The following PRELID2 variants were observed in gnomAD, a reference collection of about 807,000 sequenced individuals.
PRELID2 encodes the protein PRELI domain containing 2, also known as PRELI domain-containing protein 2.
A neutral mutation model predicts 28.4 loss-of-function variants in PRELID2; 25 were observed. That is an observed-to-expected ratio of 0.88 (90% CI 0.64 to 1.23). The LOEUF (loss-of-function observed/expected upper bound fraction) is 1.23. Among genes scored for constraint, PRELID2 ranks in the 50% most tolerant of loss-of-function variants. PRELID2 has a pLI of 0.00. For missense variants in PRELID2, 201 were observed against 214.4 expected, an observed-to-expected ratio of 0.94 and a Z score of 0.39; for synonymous variants, 76 against 71.6, an observed-to-expected ratio of 1.06 and a Z score of -0.31.
intron 5 of PRELID2, among the ~76,000 whole-genome samples, chr5:145,788,897 A>T (rs1384332885): frequency 1.3e-5 from 2 of 152,176 alleles, no homozygotes; most frequent in African/African-American, 2.4e-5. Context: ...TTAAGAAATC[A>T]ATCTCATTTA....
At chr5:145,336,412 A>T in the PRELID2 span, among the ~76,000 whole-genome samples, 8 of 151,470 alleles carry the variant, frequency 5.3e-5, no homozygotes, top group African/African-American at 1.7e-4. Flanking sequence ...TTTAGGTCTA[A>T]CGTTTAAGTC....
chr5:145,452,263 C>T, the PRELID2 span, among the ~76,000 whole-genome samples: 4 of 152,178 alleles, frequency 2.6e-5, no homozygotes, highest in African/African-American at 9.6e-5. Context: ...AGTCCATGCT[C>T]ATTAGCATAG....
At chr5:145,381,414 G>A in the PRELID2 span, among the ~76,000 whole-genome samples, 1 of 152,096 alleles carries the variant, frequency 6.6e-6, no homozygotes, top group Non-Finnish European at 1.5e-5. Context: ...GCAGTTTTTT[G>A]TTATTACTTT....
intron 1 of PRELID2, among the ~76,000 whole-genome samples, chr5:145,498,931 C>A (rs189926987): frequency 6.6e-6 from 1 of 151,968 alleles, no homozygotes; most frequent in Non-Finnish European, 1.5e-5. Flanking sequence ...TACACCATTA[C>A]TGAAAACATG....
rs118978 is a variant in PRELID2, at chr5:145,475,875, C to A, written n.71-2560G>T. Among the ~76,000 whole-genome samples, 947 of 151,910 alleles carry A rather than the reference C, an allele frequency of 6.2e-3. 5 individuals carry two copies. The highest frequency in any genetic ancestry group is 8.4e-3 in the African/African-American group (350 of 41,422). On this transcript the variant is annotated intron_variant and non_coding_transcript_variant, in intron 1 of 2. Coordinates refer to the PRELID2 transcript ENST00000510259. The stretch of plus-strand genomic sequence containing the variant: ...GAATAATATTTATAAAATATTTTCC[C>A]ATGTGAAATGTTTATAATCATTAAA...
chr5:145,312,587 C>G, the PRELID2 span, among the ~76,000 whole-genome samples: 1 of 152,174 alleles, frequency 6.6e-6, no homozygotes, highest in Admixed American at 6.5e-5. Context: ...TAAGATTCCA[C>G]ATATAAGTGA....
the PRELID2 span, among the ~76,000 whole-genome samples, chr5:145,373,334 A>ATATATTACAACATATATAATATACGT: frequency 2.1e-4 from 16 of 76,288 alleles, 2 homozygotes; most frequent in African/African-American, 4.4e-4. Flanking sequence ...ATAATATACG[A>ATATATTACAACATATATAATATACGT]TATATATTAC....
chr5:145,503,312 C>T (rs145737224), intron 1 of PRELID2, among the ~76,000 whole-genome samples: 33 of 152,266 alleles, frequency 2.2e-4, no homozygotes, highest in African/African-American at 7.5e-4. Context: ...CTCCACACCT[C>T]ATCCACTTAA....
At chr5:145,740,745 ATAT>A (rs1335508332) in intron 1 of PRELID2, among the ~76,000 whole-genome samples, 7 of 109,632 alleles carry the variant, frequency 6.4e-5, no homozygotes, top group African/African-American at 2.8e-4. Context: ...ATATATAAAT[ATAT>A]TATATATTTA....
chr5:145,666,270 G>A (rs1416097690), intron 1 of PRELID2, among the ~76,000 whole-genome samples: 1 of 151,978 alleles, frequency 6.6e-6, no homozygotes, highest in Non-Finnish European at 1.5e-5. Context: ...GTCTGTCTTG[G>A]ATTATTTGCC....
chr5:145,587,610 A>C (rs1753171584), intron 1 of PRELID2, among the ~76,000 whole-genome samples: 1 of 152,270 alleles, frequency 6.6e-6, no homozygotes. Context: ...TGGCTTTTCT[A>C]TCGCACTTTG....
At chr5:145,243,429 T>TA in the PRELID2 span, among the ~76,000 whole-genome samples, 34 of 151,256 alleles carry the variant, frequency 2.2e-4, no homozygotes, top group South Asian at 3.8e-3. Context: ...CTTTTCATAT[T>TA]AAAAAAAAAG....
At chr5:145,658,567 G>T (rs1754434498) in intron 1 of PRELID2, among the ~76,000 whole-genome samples, 1 of 152,118 alleles carries the variant, frequency 6.6e-6, no homozygotes, top group South Asian at 2.1e-4. Context: ...ATGAGATCTG[G>T]TTGTTTAAAA....
At chr5:145,318,716 C>T in the PRELID2 span, among the ~76,000 whole-genome samples, 1 of 152,160 alleles carries the variant, frequency 6.6e-6, no homozygotes, top group African/African-American at 2.4e-5. Context: ...GGGTAGGTGC[C>T]TGTGACTCCC....
At chr5:145,252,441 T>C in the PRELID2 span, among the ~76,000 whole-genome samples, 1 of 152,146 alleles carries the variant, frequency 6.6e-6, no homozygotes, top group African/African-American at 2.4e-5. Context: ...TTCTCTGTGG[T>C]TTGATTTTCT....
chr5:145,709,048 TA>T (rs1490798652), intron 1 of PRELID2, among the ~76,000 whole-genome samples: 1 of 152,228 alleles, frequency 6.6e-6, no homozygotes. Flanking sequence ...TCCTATGGCA[TA>T]AACATGGCTG....
chr5:145,335,108 G>T, the PRELID2 span, among the ~76,000 whole-genome samples: 1 of 151,722 alleles, frequency 6.6e-6, no homozygotes, highest in Non-Finnish European at 1.5e-5. Context: ...TTGTGTATCA[G>T]TCCACTTGAT....
chr5:145,277,274 A>G, the PRELID2 span, among the ~76,000 whole-genome samples: 1 of 152,292 alleles, frequency 6.6e-6, no homozygotes, highest in South Asian at 2.1e-4. Context: ...AGCAAAAATA[A>G]TTTTGACTTC....
chr5:145,501,729 T>C (rs976603144), intron 1 of PRELID2, among the ~76,000 whole-genome samples: 1 of 152,138 alleles, frequency 6.6e-6, no homozygotes, highest in Admixed American at 6.6e-5. Flanking sequence ...ATCAGCAGCA[T>C]GAAAACAGAC....
Sources: gnomAD v4.1 joint callset for allele counts (sites outside exome capture counted in the v4.1 genomes callset) on GRCh38, gnomAD v4.1.1 for gene constraint, MANE v1.5 for transcripts, NCBI Gene and HGNC (gene_info 2026-07-23, HGNC 2026-07-21) for gene names.